The following VPS13B variants were observed in gnomAD, a reference collection of about 807,000 sequenced individuals.
VPS13B encodes intermembrane lipid transfer protein VPS13B.
VPS13B carries 285 observed loss-of-function variants against 426.4 expected under a neutral mutation model. That is an observed-to-expected ratio of 0.67 (90% confidence interval 0.61 to 0.74). The LOEUF is 0.74. VPS13B is among the 30% of genes least tolerant of loss of function. VPS13B has a pLI of 0.00. For synonymous variants in VPS13B, 1,676 were observed against 1,676.4 expected (o/e 1.00, Z 0.01); for missense variants, 4,537 against 4,782.6 (o/e 0.95, Z 1.51).
At chr8:99,805,285 T>C (rs1385493394) in intron 43 of VPS13B, among the ~76,000 whole-genome samples, 1 of 151,454 alleles carries the variant, frequency 6.6e-6, no homozygotes, top group African/African-American at 2.4e-5. Flanking sequence ...AAAATTTTAA[T>C]TTGTGATTAT....
intron 2 of VPS13B, among the ~76,000 whole-genome samples, chr8:99,029,662 G>A (rs996902387): frequency 6.6e-6 from 1 of 151,868 alleles, no homozygotes; most frequent in African/African-American, 2.4e-5. Flanking sequence ...TGCAATCGCA[G>A]GCACTCGGCA....
rs767654043 is a variant in VPS13B at position 99,096,388 on chromosome 8, G to A, written c.368G>A (p.Arg123Gln). 48 of 1,613,922 alleles carry A rather than the reference G, an allele frequency of 3.0e-5. No homozygotes were observed. Among genetic ancestry groups the A allele is most frequent in the South Asian group, 3.3e-5 (3 of 91,072 alleles). Residue 123 changes from arginine (R) to glutamine (Q), a missense_variant, in exon 4 of 62, where the codon CGG becomes CAG. By Grantham distance (43) the Arg-to-Gln change is conservative. Transcript: ENST00000357162. ...AESTKSSIKPRRMQQAAPTDP... is the reference protein window; with the variant it reads ...AESTKSSIKPQRMQQAAPTDP... ...AGCACAAAATCATCAATCAAACCGC[G>A]GAGAATGCAGCAGGCTGCTCCTACA...
intron 19 of VPS13B, among the ~76,000 whole-genome samples, chr8:99,282,649 T>C (rs1262297310): frequency 2.0e-5 from 3 of 152,162 alleles, no homozygotes; most frequent in Non-Finnish European, 4.4e-5. Context: ...GCACATGCTA[T>C]TTTTGCTTTT....
chr8:99,403,353 A>C (rs1031999505), intron 21 of VPS13B, among the ~76,000 whole-genome samples: 10 of 152,156 alleles, frequency 6.6e-5, no homozygotes, highest in African/African-American at 2.2e-4. Flanking sequence ...GTTCAAGACC[A>C]GCCTGGCCAA....
At chr8:99,213,252 TAAG>T (rs1366086637) in intron 17 of VPS13B, among the ~76,000 whole-genome samples, 3 of 152,184 alleles carry the variant, frequency 2.0e-5, no homozygotes, top group Non-Finnish European at 4.4e-5. Context: ...ATACACATCT[TAAG>T]AAGTTTCCAT....
intron 17 of VPS13B, among the ~76,000 whole-genome samples, chr8:99,263,076 T>G (rs1818133424): frequency 6.6e-6 from 1 of 152,104 alleles, no homozygotes; most frequent in African/African-American, 2.4e-5. Flanking sequence ...CTGGCCAATC[T>G]TTTGTTTTAT....
At chr8:99,742,594 G>A (rs1042049455) in intron 39 of VPS13B, among the ~76,000 whole-genome samples, 32 of 152,062 alleles carry the variant, frequency 2.1e-4, no homozygotes, top group African/African-American at 4.8e-4. Flanking sequence ...CTGGCAAACC[G>A]TATCCAGCAG....
intron 21 of VPS13B, among the ~76,000 whole-genome samples, chr8:99,404,596 CTT>C (rs536891530): frequency 8.3e-4 from 126 of 152,278 alleles, no homozygotes; most frequent in African/African-American, 2.8e-3. Context: ...TATTGTCTAA[CTT>C]GTAGAAATTT....
chr8:99,155,271 G>C (rs953182937), intron 14 of VPS13B, among the ~76,000 whole-genome samples: 19 of 152,118 alleles, frequency 1.2e-4, no homozygotes, highest in Non-Finnish European at 2.6e-4. Flanking sequence ...ATAAAAGTGT[G>C]AACTGAAAGA....
At chr8:99,051,204 G>A (rs1167784440) in intron 3 of VPS13B, among the ~76,000 whole-genome samples, 2 of 152,104 alleles carry the variant, frequency 1.3e-5, no homozygotes, top group African/African-American at 2.4e-5. Context: ...ATTAATTTTT[G>A]TATAAGGTGT....
At chr8:99,503,294 T>G (rs74525641) in intron 27 of VPS13B, among the ~76,000 whole-genome samples, 9,956 of 152,218 alleles carry the variant, frequency 0.065, 451 homozygotes, top group African/African-American at 0.13. Flanking sequence ...ATTCAATGAG[T>G]CATAATCTTG....
At chr8:99,396,404 CA>C (rs1264265704) in intron 21 of VPS13B, among the ~76,000 whole-genome samples, 2 of 152,118 alleles carry the variant, frequency 1.3e-5, no homozygotes, top group African/African-American at 4.8e-5. Context: ...AGGAAGAGAT[CA>C]AGCAACTTAT....
intron 31 of VPS13B, among the ~76,000 whole-genome samples, chr8:99,573,433 G>A (rs1825594139): frequency 6.6e-6 from 1 of 152,156 alleles, no homozygotes; most frequent in Admixed American, 6.5e-5. Context: ...ATGGTTTTAG[G>A]TCTAACATTT....
intron 19 of VPS13B, among the ~76,000 whole-genome samples, chr8:99,374,239 TG>T (rs1310375643): frequency 6.6e-6 from 1 of 151,888 alleles, no homozygotes; most frequent in Non-Finnish European, 1.5e-5. Context: ...TATCTAGATC[TG>T]GTTTCTTTTT....
intron 3 of VPS13B, among the ~76,000 whole-genome samples, chr8:99,094,587 A>AT (rs1030013319): frequency 7.9e-5 from 12 of 152,180 alleles, no homozygotes; most frequent in African/African-American, 2.9e-4. Flanking sequence ...TTTCAAACAA[A>AT]TTTTTTTCTA....
At chr8:99,335,940 C>T (rs1347026083) in intron 19 of VPS13B, among the ~76,000 whole-genome samples, 1 of 152,080 alleles carries the variant, frequency 6.6e-6, no homozygotes, top group East Asian at 1.9e-4. Flanking sequence ...CCGTACTGCC[C>T]AAGGTAATTT....
rs536925641 is a variant in VPS13B, at chr8:99,429,830, T to C, written c.3083-1707T>C. Among the ~76,000 whole-genome samples the C allele has an allele frequency of 3.9e-5, 6 of 152,302 alleles. No individual in the cohort carries two copies. In the South Asian group the frequency reaches 1.2e-3, roughly 32 times the overall value. ...CACATATTCAACAATGTCATGACTA[T>C]ATTCAGAATCTGTTATTCTGTCCCA... On this transcript the variant is annotated intron_variant, in intron 21 of 61. Coordinates refer to ENST00000357162, the MANE Select transcript of VPS13B (RefSeq NM_152564.5).
At chr8:99,107,506 C>T (rs1339995833) in intron 5 of VPS13B, among the ~76,000 whole-genome samples, 5 of 151,918 alleles carry the variant, frequency 3.3e-5, no homozygotes, top group Non-Finnish European at 5.9e-5. Flanking sequence ...CTTCCCCTTA[C>T]GTATTTTTTT....
chr8:99,821,169 A>ACCC, intron 49 of VPS13B, 125 bp from the exon 50 acceptor site: 2 of 571,694 alleles, frequency 3.5e-6, no homozygotes, highest in Non-Finnish European at 2.9e-6. Context: ...CACACACACC[A>ACCC]TGGAGGGATA....
Sources: allele counts gnomAD v4.1 joint callset (sites outside exome capture counted in the v4.1 genomes callset), GRCh38; gene constraint gnomAD v4.1.1; transcripts MANE v1.5; gene names NCBI Gene and HGNC (gene_info 2026-07-23, HGNC 2026-07-21).